Variants in SLC30A8 observed in about 807,000 individuals in gnomAD.
The protein encoded by SLC30A8 is proton-coupled zinc antiporter SLC30A8.
A neutral mutation model predicts 36.9 loss-of-function variants in SLC30A8; 27 were observed. The observed-to-expected ratio is 0.73, with a 90% confidence interval of 0.54 to 1.01. The LOEUF (loss-of-function observed/expected upper bound fraction) is 1.01, where lower values mean the gene tolerates loss of function less well. SLC30A8 is among the 50% of genes least tolerant of loss of function. The pLI is 0.00. For missense variants in SLC30A8, 439 were observed against 452.0 expected (o/e 0.97, Z 0.26); for synonymous variants, 164 against 172.4 (o/e 0.95, Z 0.38).
intron 1 of SLC30A8, among the ~76,000 whole-genome samples, chr8:117,003,625 G>A (rs889439779): frequency 6.6e-6 from 1 of 152,188 alleles, no homozygotes; most frequent in Non-Finnish European, 1.5e-5. Flanking sequence ...ACTTGGCCAT[G>A]GACATGAAGG....
chr8:116,963,376 C>G (rs1444551645), intron 1 of SLC30A8, among the ~76,000 whole-genome samples: 5 of 152,054 alleles, frequency 3.3e-5, no homozygotes, highest in Non-Finnish European at 7.4e-5. Context: ...CCATGACTAC[C>G]TAGTTCCAGA....
intron 1 of SLC30A8, among the ~76,000 whole-genome samples, chr8:117,034,517 A>G (rs1817151078): frequency 1.3e-5 from 2 of 152,168 alleles, no homozygotes; most frequent in South Asian, 4.1e-4. Flanking sequence ...TATTCACCCT[A>G]CTTTATGGTT....
chr8:117,175,950 T>G lies in SLC30A8; in HGVS notation c.*3269T>G, dbSNP rs1823659383. 1 of 152,028 alleles carries G rather than the reference T, an allele frequency of 6.6e-6. No individual in the cohort carries two copies. The highest frequency in any genetic ancestry group is 1.5e-5 in the Non-Finnish European group (1 of 67,992). The allele number at this position is 152,028 out of a possible 1,614,324, so 9.4% of individuals were successfully genotyped here. On this transcript the variant is annotated 3_prime_UTR_variant, in exon 8 of 8. Transcript: ENST00000456015. Reference sequence around the variant, plus strand: ...CTCTGAAAGCTTCCGCTTTTATCTTTGAAGAGCAGAATTGTCACTCCAAGG... The same window carrying G: ...CTCTGAAAGCTTCCGCTTTTATCTTGGAAGAGCAGAATTGTCACTCCAAGG...
At chr8:117,141,047 CAAAG>C (rs1157800110) in intron 1 of SLC30A8, among the ~76,000 whole-genome samples, 3 of 151,982 alleles carry the variant, frequency 2.0e-5, no homozygotes, top group Admixed American at 6.6e-5. Context: ...AAACCTTACA[CAAAG>C]AAAGCCCAAG....
intron 1 of SLC30A8, among the ~76,000 whole-genome samples, chr8:116,955,504 T>G (rs187003105): frequency 6.6e-6 from 1 of 151,950 alleles, no homozygotes; most frequent in East Asian, 1.9e-4. Flanking sequence ...CTGAGGTGGG[T>G]GGATCACTTG....
chr8:117,156,160 G>A (rs948921333), intron 3 of SLC30A8, among the ~76,000 whole-genome samples: 11 of 151,794 alleles, frequency 7.2e-5, no homozygotes, highest in African/African-American at 2.4e-4. Context: ...CTGCCTCAAC[G>A]TCCTGAGTAG....
At chr8:117,066,524 A>T (rs891448123) in intron 2 of SLC30A8, among the ~76,000 whole-genome samples, 2 of 152,030 alleles carry the variant, frequency 1.3e-5, no homozygotes, top group South Asian at 2.1e-4. Context: ...AATCATCCTG[A>T]CCTCACACTC....
intron 2 of SLC30A8, among the ~76,000 whole-genome samples, chr8:117,150,119 G>T (rs527733083): frequency 1.2e-4 from 18 of 152,348 alleles, no homozygotes; most frequent in African/African-American, 3.8e-4. Flanking sequence ...TGAATGAAAT[G>T]ATGTTATTTG....
At chr8:117,131,839 T>A (rs1340152292), upstream of SLC30A8, among the ~76,000 whole-genome samples, 1 of 152,002 alleles carries the variant, frequency 6.6e-6, no homozygotes, top group Non-Finnish European at 1.5e-5. Context: ...ACAAGAACTC[T>A]GTAAGATGGA....
intron 1 of SLC30A8, among the ~76,000 whole-genome samples, chr8:116,995,972 C>G (rs1459448640): frequency 1.3e-5 from 2 of 152,160 alleles, no homozygotes; most frequent in Non-Finnish European, 2.9e-5. Flanking sequence ...AAGCACCATC[C>G]TGTAAAATCC....
intron 2 of SLC30A8, among the ~76,000 whole-genome samples, chr8:117,075,874 C>G (rs1008094321): frequency 3.9e-5 from 6 of 152,148 alleles, no homozygotes; most frequent in Non-Finnish European, 8.8e-5. Context: ...CTAGTCTCTT[C>G]CCTGTACCCT....
chr8:117,107,407 A>C (rs1820040528), intron 2 of SLC30A8, among the ~76,000 whole-genome samples: 1 of 152,214 alleles, frequency 6.6e-6, no homozygotes, highest in Non-Finnish European at 1.5e-5. Flanking sequence ...TTTGAGGAGC[A>C]GATGGAAAGT....
At chr8:117,034,310 A>G (rs551246640) in intron 1 of SLC30A8, among the ~76,000 whole-genome samples, 164 of 152,352 alleles carry the variant, frequency 1.1e-3, no homozygotes, top group Non-Finnish European at 2.0e-3. Flanking sequence ...GGAAATCATC[A>G]GTTTCCAATA....
In SLC30A8 at chr8:117,018,626, AGGTT is replaced by A. The variant is rs551497982; in HGVS notation, c.-265-20591_-265-20588del. ...GTTTGATAGTGTTGGCCTAGACCAC[AGGTT>A]GAAAACTGCGGCCTGTGGGCCAAAT... On this transcript the variant is annotated intron_variant, in intron 1 of 10. Coordinates refer to the SLC30A8 transcript ENST00000427715. 1.2e-4 allele frequency among the ~76,000 whole-genome samples: 18 copies of A among 149,542 alleles called. No individual in the cohort carries two copies. In the South Asian group the frequency reaches 3.6e-3, roughly 30 times the overall value.
chr8:117,050,346 G>T (rs914062237), intron 2 of SLC30A8, among the ~76,000 whole-genome samples: 6 of 152,070 alleles, frequency 3.9e-5, no homozygotes, highest in Non-Finnish European at 1.5e-5. Flanking sequence ...CAAATGAGGG[G>T]GAGCAAGAGC....
At chr8:117,079,773 T>C (rs979884996) in intron 2 of SLC30A8, among the ~76,000 whole-genome samples, 4 of 152,180 alleles carry the variant, frequency 2.6e-5, no homozygotes, top group Non-Finnish European at 4.4e-5. Flanking sequence ...AAAACAGCTA[T>C]AGAGAAACAG....
At chr8:116,995,263 T>TG (rs763674729) in intron 1 of SLC30A8, among the ~76,000 whole-genome samples, 9 of 152,218 alleles carry the variant, frequency 5.9e-5, no homozygotes, top group Admixed American at 1.3e-4. Context: ...TGCTTGGGTA[T>TG]GGAGAGCTCT....
At chr8:117,170,981 A>G (rs1341912587) in intron 6 of SLC30A8, 53 bp from the exon 7 acceptor site, 2 of 1,481,474 alleles carry the variant, frequency 1.4e-6, no homozygotes, top group African/African-American at 1.4e-5. Flanking sequence ...AGGTAATTCA[A>G]TGAGCTGTAT....
chr8:116,951,059 G>T (rs2130566955), exon 1 of SLC30A8: 1 of 152,302 alleles, frequency 6.6e-6, no homozygotes, highest in Admixed American at 6.5e-5. Context: ...CTTCCTGGAG[G>T]GAATGCAGTG....
Sources: allele counts gnomAD v4.1 joint callset (sites outside exome capture counted in the v4.1 genomes callset), GRCh38; gene constraint gnomAD v4.1.1; transcripts MANE v1.5; gene names NCBI Gene and HGNC (gene_info 2026-07-23, HGNC 2026-07-21).